The following TENM4 variants were observed in gnomAD, a reference collection of about 807,000 sequenced individuals.
TENM4 encodes the protein teneurin-4.
TENM4 carries 82 observed loss-of-function variants against 243.3 expected under a neutral mutation model. The ratio of observed to expected loss-of-function variants is 0.34; its 90% CI spans 0.28 to 0.40. The LOEUF (loss-of-function observed/expected upper bound fraction) is 0.40. Among genes scored for constraint, TENM4 ranks in the 10% least tolerant of loss-of-function variants. TENM4 has a pLI of 1.00. For synonymous variants in TENM4, 1,412 were observed against 1,456.3 expected (o/e 0.97, Z 0.69); for missense variants, 3,138 against 3,673.3 (o/e 0.85, Z 3.77).
At chr11:78,880,457 T>TAAAA (rs71763484) in intron 9 of TENM4, among the ~76,000 whole-genome samples, 62 of 104,556 alleles carry the variant, frequency 5.9e-4, no homozygotes, top group African/African-American at 3.2e-3. Context: ...CAATAAATAC[T>TAAAA]AAAAAAAAAA....
rs1396621675 is a variant in TENM4 at position 79,119,863 on chromosome 11, G to C, written c.-66+28847C>G. 1.3e-5 allele frequency among the ~76,000 whole-genome samples: 2 copies of C among 152,146 alleles called. 1 individual carries two copies. Among genetic ancestry groups the C allele is most frequent in the East Asian group, 3.9e-4 (2 of 5,178 alleles). On this transcript the variant is annotated intron_variant, in intron 4 of 33. Transcript: ENST00000278550. ...GTAAACTAGAGCTTGATGACTTGCA[G>C]GGCAGTGGCTGCAAATAGCTCGATA...
intron 3 of TENM4, among the ~76,000 whole-genome samples, chr11:79,205,832 A>G (rs1863840765): frequency 6.6e-6 from 1 of 152,230 alleles, no homozygotes; most frequent in South Asian, 2.1e-4. Context: ...TTTTTGATAC[A>G]AGGAACACTT....
intron 3 of TENM4, among the ~76,000 whole-genome samples, chr11:79,167,435 A>C (rs771513959): frequency 6.6e-6 from 1 of 152,238 alleles, no homozygotes; most frequent in Admixed American, 6.5e-5. Context: ...TATACATATC[A>C]CCTCAACTAA....
At chr11:79,213,621 G>A (rs190101607) in intron 3 of TENM4, among the ~76,000 whole-genome samples, 43 of 152,312 alleles carry the variant, frequency 2.8e-4, no homozygotes, top group African/African-American at 7.9e-4. Flanking sequence ...GCCCCCATGT[G>A]GGGATGAGCA....
chr11:79,049,379 A>G (rs1859741120), intron 6 of TENM4, among the ~76,000 whole-genome samples: 1 of 152,204 alleles, frequency 6.6e-6, no homozygotes, highest in African/African-American at 2.4e-5. Flanking sequence ...ACTCTCTAAG[A>G]GTTATTGCAT....
At chr11:78,694,654 C>G (rs56334147) in intron 28 of TENM4, among the ~76,000 whole-genome samples, 11,236 of 152,232 alleles carry the variant, frequency 0.074, 479 homozygotes, top group Middle Eastern at 0.14. Flanking sequence ...GCTGGTTATT[C>G]TCTGTTCCCC....
At chr11:78,723,065 C>T (rs1052092316) in intron 23 of TENM4, 148 bp from the exon 24 acceptor site, 14 of 1,095,360 alleles carry the variant, frequency 1.3e-5, no homozygotes, top group African/African-American at 6.4e-5. Context: ...TGCCTCACCC[C>T]CCCAATGGAA....
At chr11:79,203,094 A>G (rs1439458292) in intron 3 of TENM4, among the ~76,000 whole-genome samples, 1 of 151,834 alleles carries the variant, frequency 6.6e-6, no homozygotes, top group Non-Finnish European at 1.5e-5. Context: ...AAAGCCCATG[A>G]TTGAGCTATA....
At chr11:79,314,371 C>A (rs773460596) in intron 1 of TENM4, among the ~76,000 whole-genome samples, 1 of 152,302 alleles carries the variant, frequency 6.6e-6, no homozygotes, top group Non-Finnish European at 1.5e-5. Context: ...GTCTTCCCTG[C>A]AACTCTAGAA....
At chr11:79,286,990 C>A (rs1438092373) in intron 2 of TENM4, among the ~76,000 whole-genome samples, 1 of 152,174 alleles carries the variant, frequency 6.6e-6, no homozygotes, top group African/African-American at 2.4e-5. Context: ...CATTCAGGAA[C>A]TTGTGTTGGG....
At chr11:78,737,745 G>C (rs1855832950) in intron 20 of TENM4, among the ~76,000 whole-genome samples, 1 of 152,096 alleles carries the variant, frequency 6.6e-6, no homozygotes, top group African/African-American at 2.4e-5. Flanking sequence ...TTAACAAATA[G>C]CTAATATTTA....
chr11:78,718,934 A>G (rs1437230658), intron 25 of TENM4, among the ~76,000 whole-genome samples: 2 of 152,120 alleles, frequency 1.3e-5, no homozygotes, highest in Admixed American at 6.6e-5. Flanking sequence ...ACTTTAATAC[A>G]TGTGCCTTTG....
At position 78,708,430 on chromosome 11, in the gene TENM4, G is replaced by A. The variant is rs1859308789; in HGVS notation, c.4140C>T (p.Thr1380=). 3.1e-6 allele frequency: 5 copies of A among 1,613,934 alleles called. No homozygotes were observed. The African/African-American group carries it at 5.3e-5, about 17-fold the overall frequency. The change falls in exon 27 of 34, where the codon ACC becomes ACT. Residue 1380 remains threonine, a synonymous_variant. Transcript: ENST00000278550. ...RRIDQNGIIS[T]LLGSNDLTSA... ...ATGTGAGATCATTAGAGCCGAGCAG[G>A]GTGGAGATGATCCCATTCTGATCGA...
chr11:79,414,548 C>T (rs534426488), intron 1 of TENM4, among the ~76,000 whole-genome samples: 24 of 152,326 alleles, frequency 1.6e-4, no homozygotes, highest in African/African-American at 5.8e-4. Flanking sequence ...CAACCTGCTG[C>T]CGAAAGCTTC....
rs190084027 is a variant in TENM4, at chr11:78,658,278, C to G, written c.8090G>C (p.Arg2697Thr). Reference protein sequence around the residue: ...KARVLELARQRAVRQAWAREQ... With the variant: ...KARVLELARQTAVRQAWAREQ... The stretch of plus-strand genomic sequence containing the variant: ...GCGGGCCCACGCTTGGCGCACGGCT[C>G]TCTGCCGGGCCAGCTCCAGGACCCG... The change falls in exon 34 of 34, where the codon AGA becomes ACA. Residue 2697 changes from arginine (R) to threonine (T), a missense_variant. By Grantham distance (71) the Arg-to-Thr change is moderately conservative (BLOSUM62 -1). Coordinates refer to ENST00000278550, the MANE Select transcript of TENM4 (RefSeq NM_001098816.3). 196 of 1,613,026 alleles carry G rather than the reference C, an allele frequency of 1.2e-4. 1 individual carries two copies. The African/African-American group carries it at 2.3e-3, about 19-fold the overall frequency.
At chr11:78,948,467 C>T (rs530914226) in intron 6 of TENM4, among the ~76,000 whole-genome samples, 25 of 151,764 alleles carry the variant, frequency 1.6e-4, no homozygotes, top group African/African-American at 4.6e-4. Context: ...CTCCGTCTCC[C>T]GGGTTCATGC....
rs912442953 is a variant in TENM4, at chr11:79,253,345, C to G, written c.-264-37436G>C. On this transcript the variant is annotated intron_variant, in intron 2 of 33. Transcript: ENST00000278550. Reference sequence around the variant, plus strand: ...TTCCTTTTATGAGGTGTCTGCTGCACAAAGAGCTTGCCGGGAAAACAAATC... The same window carrying G: ...TTCCTTTTATGAGGTGTCTGCTGCAGAAAGAGCTTGCCGGGAAAACAAATC... Among the ~76,000 whole-genome samples, 189 of 152,146 alleles carry G rather than the reference C, an allele frequency of 1.2e-3. 20 individuals carry two copies. The highest frequency in any genetic ancestry group is 1.9e-4 in the East Asian group (1 of 5,182).
At chr11:79,418,999 C>T (rs1248139774) in intron 1 of TENM4, among the ~76,000 whole-genome samples, 3 of 152,190 alleles carry the variant, frequency 2.0e-5, no homozygotes, top group African/African-American at 7.2e-5. Context: ...CTCCAGGTGC[C>T]ACCTCTGAAG....
chr11:78,923,388 C>T (rs1246873865), intron 6 of TENM4, among the ~76,000 whole-genome samples: 1 of 152,090 alleles, frequency 6.6e-6, no homozygotes, highest in Non-Finnish European at 1.5e-5. Flanking sequence ...GGGAACTGAT[C>T]TACACTCAAG....
Sources: gnomAD v4.1 joint callset for allele counts (sites outside exome capture counted in the v4.1 genomes callset) on GRCh38, gnomAD v4.1.1 for gene constraint, MANE v1.5 for transcripts, NCBI Gene and HGNC (gene_info 2026-07-23, HGNC 2026-07-21) for gene names.